Variants in DLGAP2 observed in about 807,000 individuals in gnomAD.
DLGAP2 encodes disks large-associated protein 2.
In DLGAP2, 26 loss-of-function variants were observed where a neutral mutation model predicts 100.3. The ratio of observed to expected loss-of-function variants is 0.26; its 90% CI spans 0.19 to 0.36. The LOEUF is 0.36. DLGAP2 is among the 10% of genes least tolerant of loss of function. The pLI is 1.00. For missense variants in DLGAP2, 1,858 were observed against 1,453.2 expected (o/e 1.28, Z -4.53); for synonymous variants, 886 against 630.1 (o/e 1.41, Z -6.08).
At chr8:1,489,709 C>T (rs1035914462) in intron 3 of DLGAP2, among the ~76,000 whole-genome samples, 2 of 152,212 alleles carry the variant, frequency 1.3e-5, no homozygotes, top group African/African-American at 4.8e-5. Context: ...GGTTAATTGC[C>T]AGCAGACATT....
At chr8:950,887 G>A (rs192900732) in intron 2 of DLGAP2, among the ~76,000 whole-genome samples, 1 of 152,090 alleles carries the variant, frequency 6.6e-6, no homozygotes, top group African/African-American at 2.4e-5. Flanking sequence ...ACTTCCCAAA[G>A]CGCTGGGATT....
At chr8:1,550,665 A>G (rs1270188198) in intron 5 of DLGAP2, among the ~76,000 whole-genome samples, 1 of 152,176 alleles carries the variant, frequency 6.6e-6, no homozygotes, top group Non-Finnish European at 1.5e-5. Context: ...GAATTTACCA[A>G]AGGCAAAAAC....
chr8:1,339,233 G>T lies in DLGAP2; in HGVS notation c.106+80350G>T, dbSNP rs979171823. ...GACCTCAGTGAGGCGTCAGGACCCG[G>T]GAGGGAATGCAGTGACCTCAGCGAG... is the stretch of plus-strand genomic sequence containing the variant. On this transcript the variant is annotated intron_variant, in intron 3 of 14. Coordinates refer to ENST00000637795, the MANE Select transcript of DLGAP2 (RefSeq NM_001346810.2). Among the ~76,000 whole-genome samples the T allele has an allele frequency of 2.6e-5, 4 of 151,410 alleles. No homozygotes were observed. In the South Asian group the frequency reaches 6.3e-4, roughly 24 times the overall value.
intron 3 of DLGAP2, chr8:1,300,078 A>C (rs1800295208): frequency 6.6e-6 from 1 of 152,086 alleles, no homozygotes; most frequent in Non-Finnish European, 1.5e-5. Context: ...TCATTACCTC[A>C]GTTTACCTTC....
chr8:1,457,655 C>G (rs1798351409), intron 3 of DLGAP2, among the ~76,000 whole-genome samples: 1 of 151,994 alleles, frequency 6.6e-6, no homozygotes, highest in Non-Finnish European at 1.5e-5. Context: ...GCAATTTTTC[C>G]TCACTATGTT....
At chr8:837,560 C>G (rs1796902215) in intron 1 of DLGAP2, among the ~76,000 whole-genome samples, 1 of 152,002 alleles carries the variant, frequency 6.6e-6, no homozygotes, top group Non-Finnish European at 1.5e-5. Flanking sequence ...ATTTGCCTGC[C>G]TGACCTAAGG....
chr8:916,743 C>G (rs1798602450), intron 2 of DLGAP2, among the ~76,000 whole-genome samples: 2 of 152,212 alleles, frequency 1.3e-5, no homozygotes, highest in South Asian at 4.1e-4. Context: ...CCAAGTCACC[C>G]ACTTGTTGTG....
At chr8:830,711 T>A (rs1796765083) in intron 1 of DLGAP2, among the ~76,000 whole-genome samples, 1 of 152,222 alleles carries the variant, frequency 6.6e-6, no homozygotes, top group African/African-American at 2.4e-5. Context: ...TTTATTTTAT[T>A]CTTTTGAAAT....
chr8:843,903 G>A (rs1386584840), intron 1 of DLGAP2, among the ~76,000 whole-genome samples: 2 of 152,202 alleles, frequency 1.3e-5, no homozygotes, highest in Non-Finnish European at 2.9e-5. Context: ...AGTCATTGAA[G>A]TTTATCTGGC....
chr8:794,529 A>G (rs1012208503), intron 1 of DLGAP2, among the ~76,000 whole-genome samples: 1 of 152,252 alleles, frequency 6.6e-6, no homozygotes, highest in Non-Finnish European at 1.5e-5. Flanking sequence ...TGGGCTAGTT[A>G]ACTGCAGCAG....
At chr8:1,039,986 A>ATGGTCTGCTCAGTTTCCG in intron 2 of DLGAP2, among the ~76,000 whole-genome samples, 1 of 61,600 alleles carries the variant, frequency 1.6e-5, no homozygotes, top group South Asian at 5.6e-4. Flanking sequence ...CTCGGTGTGC[A>ATGGTCTGCTCAGTTTCCG]TGGTCTGCTC....
At chr8:1,207,273 C>T (rs560115839) in intron 2 of DLGAP2, among the ~76,000 whole-genome samples, 32 of 152,310 alleles carry the variant, frequency 2.1e-4, no homozygotes, top group African/African-American at 7.5e-4. Context: ...TTGTGTCATT[C>T]TTACGCCGTT....
In DLGAP2 at chr8:1,595,529, C is replaced by T. The variant is rs554744361; in HGVS notation, c.1442+29635C>T. Among the ~76,000 whole-genome samples the T allele has an allele frequency of 9.2e-3, 1,388 of 150,996 alleles. 20 individuals are homozygous for T. Among genetic ancestry groups the T allele is most frequent in the African/African-American group, 0.031 (1,279 of 41,246 alleles). ...ATACAAAAAAAAAATTAGCCGGGCA[C>T]GGTGGCGGGCGCCTGTAGTCCCAGC... On this transcript the variant is annotated intron_variant, in intron 6 of 14. Coordinates refer to ENST00000637795, the MANE Select transcript of DLGAP2 (RefSeq NM_001346810.2).
At chr8:1,063,358 G>A (rs150567147) in intron 2 of DLGAP2, among the ~76,000 whole-genome samples, 1 of 152,126 alleles carries the variant, frequency 6.6e-6, no homozygotes, top group African/African-American at 2.4e-5. Context: ...TTTTGACAAG[G>A]GTCTCTGCGA....
chr8:933,207 A>G (rs947288097), intron 2 of DLGAP2, among the ~76,000 whole-genome samples: 1 of 152,188 alleles, frequency 6.6e-6, no homozygotes, highest in Non-Finnish European at 1.5e-5. Flanking sequence ...CTAGGGTCAG[A>G]CCCTCTTTGC....
At chr8:1,538,861 C>T (rs1484392304) in intron 4 of DLGAP2, among the ~76,000 whole-genome samples, 5 of 150,350 alleles carry the variant, frequency 3.3e-5, no homozygotes, top group African/African-American at 4.9e-5. Context: ...CACAGCCCCT[C>T]GTGTCATGAC....
chr8:1,546,580 TTTG>T (rs552388332), intron 4 of DLGAP2, among the ~76,000 whole-genome samples: 21 of 152,012 alleles, frequency 1.4e-4, no homozygotes, highest in Non-Finnish European at 2.5e-4. Flanking sequence ...AGCAGGGGAT[TTTG>T]TTGTTGTTGT....
chr8:1,444,326 G>A (rs1327792606), intron 3 of DLGAP2, among the ~76,000 whole-genome samples: 1 of 152,154 alleles, frequency 6.6e-6, no homozygotes, highest in East Asian at 1.9e-4. Context: ...CACTTACACG[G>A]TATTAGAGTT....
intron 1 of DLGAP2, among the ~76,000 whole-genome samples, chr8:813,239 A>G (rs1038528543): frequency 6.6e-6 from 1 of 151,966 alleles, no homozygotes; most frequent in African/African-American, 2.4e-5. Context: ...TGGATATCCT[A>G]GTGGTTTATA....
Sources: gnomAD v4.1 joint callset for allele counts (sites outside exome capture counted in the v4.1 genomes callset) on GRCh38, gnomAD v4.1.1 for gene constraint, MANE v1.5 for transcripts, NCBI Gene and HGNC (gene_info 2026-07-23, HGNC 2026-07-21) for gene names.